Variants in L3MBTL4 observed in about 807,000 individuals in gnomAD.
L3MBTL4 encodes L3MBTL histone methyl-lysine binding protein 4.
Under a neutral mutation model 84.5 loss-of-function variants are expected in L3MBTL4, and 70 were observed. That is an observed-to-expected ratio of 0.83 (90% CI 0.68 to 1.01). The LOEUF is 1.01. Among genes scored for constraint, L3MBTL4 ranks in the 50% least tolerant of loss-of-function variants. The probability of loss-of-function intolerance (pLI) is 0.00; values close to 1 mark genes in which losing one functional copy is unlikely to be tolerated. For synonymous variants in L3MBTL4, 274 were observed against 259.8 expected (o/e 1.05, Z -0.52); for missense variants, 715 against 754.8 (o/e 0.95, Z 0.62).
At chr18:6,226,122 T>C (rs1378178461) in intron 10 of L3MBTL4, among the ~76,000 whole-genome samples, 1 of 150,146 alleles carries the variant, frequency 6.7e-6, no homozygotes, top group Non-Finnish European at 1.5e-5. Flanking sequence ...TAAAAGATAA[T>C]GTCCGCCAGA....
At chr18:5,990,447 C>T (rs1010647990) in intron 16 of L3MBTL4, among the ~76,000 whole-genome samples, 1 of 152,136 alleles carries the variant, frequency 6.6e-6, no homozygotes, top group African/African-American at 2.4e-5. Context: ...ACACTGAAAA[C>T]ACTTGTAGAA....
intron 1 of L3MBTL4, among the ~76,000 whole-genome samples, chr18:6,408,917 T>A (rs1215189464): frequency 6.6e-6 from 1 of 152,082 alleles, no homozygotes; most frequent in Non-Finnish European, 1.5e-5. Flanking sequence ...ACTCAGGCAA[T>A]CCACCCTCCT....
intron 14 of L3MBTL4, among the ~76,000 whole-genome samples, chr18:6,100,171 T>C (rs74714059): frequency 0.026 from 4,016 of 152,298 alleles, 46 homozygotes; most frequent in Non-Finnish European, 0.031. Context: ...GATAATAATA[T>C]CTTACAGGGT....
intron 4 of L3MBTL4, among the ~76,000 whole-genome samples, chr18:6,280,510 CAAGT>C (rs2049277611): frequency 6.6e-6 from 1 of 152,222 alleles, no homozygotes; most frequent in African/African-American, 2.4e-5. Flanking sequence ...GCAACAGATA[CAAGT>C]AATTCCCATT....
At chr18:6,292,630 T>C (rs1275638269) in intron 4 of L3MBTL4, among the ~76,000 whole-genome samples, 1 of 152,134 alleles carries the variant, frequency 6.6e-6, no homozygotes, top group East Asian at 1.9e-4. Context: ...AACTTCAAAA[T>C]AGTTTGTCAC....
chr18:6,265,712 G>C (rs1283098166), intron 4 of L3MBTL4, among the ~76,000 whole-genome samples: 1 of 151,232 alleles, frequency 6.6e-6, no homozygotes, highest in Non-Finnish European at 1.5e-5. Flanking sequence ...AAATAAGTTA[G>C]GCACAGAAAA....
chr18:6,061,849 C>T (rs1439941260), intron 16 of L3MBTL4, among the ~76,000 whole-genome samples: 2 of 151,880 alleles, frequency 1.3e-5, no homozygotes, highest in Non-Finnish European at 2.9e-5. Flanking sequence ...TTACCTAAGT[C>T]CTCTTTCTAC....
intron 3 of L3MBTL4, among the ~76,000 whole-genome samples, chr18:6,308,722 T>C (rs762605934): frequency 2.0e-5 from 3 of 152,218 alleles, no homozygotes; most frequent in Non-Finnish European, 4.4e-5. Context: ...TATGTGTATA[T>C]GTGCATAAAA....
At chr18:6,197,474 T>A (rs1274375822) in intron 12 of L3MBTL4, among the ~76,000 whole-genome samples, 2 of 152,262 alleles carry the variant, frequency 1.3e-5, no homozygotes, top group African/African-American at 4.8e-5. Flanking sequence ...TAGTATTCCA[T>A]GGTGTATATG....
At chr18:6,364,610 C>T (rs1467419713) in intron 1 of L3MBTL4, among the ~76,000 whole-genome samples, 1 of 152,010 alleles carries the variant, frequency 6.6e-6, no homozygotes, top group African/African-American at 2.4e-5. Context: ...AAATAAACTG[C>T]TAAACTTTAA....
At chr18:6,033,379 T>TTC (rs1456180621) in intron 16 of L3MBTL4, among the ~76,000 whole-genome samples, 8 of 152,212 alleles carry the variant, frequency 5.3e-5, no homozygotes, top group Non-Finnish European at 1.2e-4. Context: ...AGTGAGTCTT[T>TTC]TGAAGACAGC....
At chr18:6,365,898 A>G (rs531717819) in intron 1 of L3MBTL4, among the ~76,000 whole-genome samples, 1 of 152,348 alleles carries the variant, frequency 6.6e-6, no homozygotes, top group South Asian at 2.1e-4. Context: ...TATATTAAAT[A>G]AAGAGGACAG....
chr18:6,222,767 A>G (rs2046611985), intron 10 of L3MBTL4, among the ~76,000 whole-genome samples: 1 of 151,926 alleles, frequency 6.6e-6, no homozygotes, highest in Non-Finnish European at 1.5e-5. Context: ...ATATCGTTCA[A>G]TTCATTAATT....
chr18:5,962,902 G>A (rs181824458), intron 17 of L3MBTL4, among the ~76,000 whole-genome samples: 224 of 152,260 alleles, frequency 1.5e-3, no homozygotes, highest in African/African-American at 5.3e-3. Flanking sequence ...GATGTTTAAC[G>A]GTATCCCTGC....
At chr18:5,992,031 T>C (rs543803817) in intron 16 of L3MBTL4, among the ~76,000 whole-genome samples, 1 of 147,016 alleles carries the variant, frequency 6.8e-6, no homozygotes, top group African/African-American at 2.5e-5. Context: ...TCCATCCATC[T>C]ATCCAACATT....
chr18:6,351,775 T>C (rs1239345847), intron 1 of L3MBTL4, among the ~76,000 whole-genome samples: 2 of 152,006 alleles, frequency 1.3e-5, no homozygotes, highest in Non-Finnish European at 2.9e-5. Flanking sequence ...ATGGTCTCAA[T>C]CTCCTGACCT....
At chr18:6,100,738 T>A (rs2058797410) in intron 14 of L3MBTL4, among the ~76,000 whole-genome samples, 1 of 152,206 alleles carries the variant, frequency 6.6e-6, no homozygotes, top group Non-Finnish European at 1.5e-5. Flanking sequence ...AGGACACAGA[T>A]CCATGTGGCT....
At chr18:6,020,268 G>A (rs1197348267) in intron 16 of L3MBTL4, among the ~76,000 whole-genome samples, 7 of 152,076 alleles carry the variant, frequency 4.6e-5, no homozygotes, top group African/African-American at 1.7e-4. Context: ...TGAGGTGAGA[G>A]GGCTGGCTGT....
chr18:6,060,670 T>C (rs966438961), intron 16 of L3MBTL4, among the ~76,000 whole-genome samples: 3 of 152,170 alleles, frequency 2.0e-5, no homozygotes, highest in African/African-American at 4.8e-5. Context: ...CATAATGACA[T>C]GTATCCACTA....
Sources: gnomAD v4.1 joint callset for allele counts (sites outside exome capture counted in the v4.1 genomes callset) on GRCh38, gnomAD v4.1.1 for gene constraint, MANE v1.5 for transcripts, NCBI Gene and HGNC (gene_info 2026-07-23, HGNC 2026-07-21) for gene names.